The following HDAC8 variants were observed in gnomAD, a reference collection of about 807,000 sequenced individuals.
HDAC8 encodes histone deacetylase-like 1.
HDAC8 carries 1 observed loss-of-function variant against 32.2 expected under a neutral mutation model. The observed-to-expected ratio is 0.03, with a 90% CI of 0.01 to 0.15. HDAC8 has a LOEUF of 0.15. HDAC8 is among the 10% of genes least tolerant of loss of function. The pLI is 1.00. For missense variants in HDAC8, 117 were observed against 300.0 expected (o/e 0.39, Z 4.51); for synonymous variants, 108 against 113.9 (o/e 0.95, Z 0.33).
chrX:72,395,540 T>C (rs2045737661), intron 9 of HDAC8, among the ~76,000 whole-genome samples: 1 of 112,437 alleles, frequency 8.9e-6, no homozygotes, highest in South Asian at 3.7e-4. Context: ...TCTTCTTAGC[T>C]ACTGTGGCTG....
chrX:72,356,173 C>T (rs1034524646), intron 9 of HDAC8, among the ~76,000 whole-genome samples: 6 of 111,626 alleles, frequency 5.4e-5, no homozygotes, highest in Non-Finnish European at 9.4e-5. Context: ...ATGTGTGGAG[C>T]GGAGATTTGA....
intron 1 of HDAC8, chrX:72,572,350 C>A (rs2052122651): frequency 4.8e-6 from 2 of 417,408 alleles, no homozygotes; most frequent in Non-Finnish European, 8.1e-6. Flanking sequence ...CTTCCCCCTG[C>A]AGCTTGTTTT....
chrX:72,375,278 T>C (rs2045026664), intron 9 of HDAC8, among the ~76,000 whole-genome samples: 1 of 112,337 alleles, frequency 8.9e-6, no homozygotes. Context: ...AATAAATATC[T>C]AGATGAATAA....
At chrX:72,448,357 G>T (rs1220779115) in intron 9 of HDAC8, among the ~76,000 whole-genome samples, 1 of 111,967 alleles carries the variant, frequency 8.9e-6, no homozygotes, top group African/African-American at 3.2e-5. Flanking sequence ...TTAATAAATG[G>T]TGTTGGGAAA....
intron 9 of HDAC8, among the ~76,000 whole-genome samples, chrX:72,437,557 A>G (rs1477770981): frequency 9.0e-6 from 1 of 111,702 alleles, no homozygotes; most frequent in Non-Finnish European, 1.9e-5. Context: ...AGTGGATCCC[A>G]TCCCCACAGA....
chrX:72,527,685 T>C (rs782492465), intron 4 of HDAC8, among the ~76,000 whole-genome samples: 4 of 110,878 alleles, frequency 3.6e-5, no homozygotes, highest in African/African-American at 6.6e-5. Flanking sequence ...ATCTCTAGCA[T>C]CTAGCAGAGT....
At position 72,513,189 on chromosome X, in the gene HDAC8, C is replaced by T. The variant is rs932436416; in HGVS notation, c.438-17921G>A. ...AACCTCTACCATAGTACTTCTCAAA[C>T]TAGTTTGCAATGATTACTTCTTGTA... On this transcript the variant is annotated intron_variant, in intron 4 of 10. Transcript: ENST00000373573. 3.6e-5 allele frequency among the ~76,000 whole-genome samples: 4 copies of T among 112,139 alleles called. No individual in the cohort carries two copies. In the Admixed American group the frequency reaches 3.8e-4, roughly 11 times the overall value.
chrX:72,529,693 A>G (rs1390409348), intron 4 of HDAC8, among the ~76,000 whole-genome samples: 1 of 112,411 alleles, frequency 8.9e-6, no homozygotes, highest in African/African-American at 3.2e-5. Context: ...ACATTTGTGA[A>G]TAAGTAGATT....
At chrX:72,408,410 C>A (rs1470995265) in intron 9 of HDAC8, among the ~76,000 whole-genome samples, 1 of 110,533 alleles carries the variant, frequency 9.0e-6, no homozygotes. Flanking sequence ...TTCTTTCTTT[C>A]TTTATTTTTT....
chrX:72,479,456 C>T (rs189135370), intron 7 of HDAC8, among the ~76,000 whole-genome samples: 253 of 112,030 alleles, frequency 2.3e-3, no homozygotes, highest in Non-Finnish European at 3.6e-3. Flanking sequence ...GCAAGGTCTT[C>T]CTGTCTCTGG....
At chrX:72,464,381 G>A (rs2047953247) in intron 8 of HDAC8, 178 bp downstream of exon 8, 3 of 465,514 alleles carry the variant, frequency 6.4e-6, no homozygotes, top group African/African-American at 4.8e-5. Context: ...TGAGAAGTGT[G>A]TCAGAGTATT....
In HDAC8 at chrX:72,548,680, T is replaced by TTCTCTC. The variant is rs376266129; in HGVS notation, c.437+19203_437+19208dup. Among the ~76,000 whole-genome samples, 43 of 105,988 alleles carry TTCTCTC rather than the reference T, an allele frequency of 4.1e-4. 1 individual carries two copies. The highest frequency in any genetic ancestry group is 1.6e-3 in the Admixed American group (16 of 9,857). The allele number at this position is 105,988 out of a possible 115,157, so 92.0% of individuals were successfully genotyped here. ...TAGCACTGTTTCTCAACCATTTCTC[T>TTCTCTC]TCTCTCTCTCTCTCTCTCTCTCTGA... On this transcript the variant is annotated intron_variant, in intron 4 of 10. Coordinates refer to ENST00000373573, the MANE Select transcript of HDAC8 (RefSeq NM_018486.3).
At chrX:72,526,946 C>T (rs1179105287) in intron 4 of HDAC8, among the ~76,000 whole-genome samples, 1 of 111,395 alleles carries the variant, frequency 9.0e-6, no homozygotes, top group Admixed American at 9.5e-5. Flanking sequence ...CCTCTAGTCT[C>T]ACCCCCTGGA....
intron 9 of HDAC8, among the ~76,000 whole-genome samples, chrX:72,384,035 A>G (rs2045350516): frequency 9.0e-6 from 1 of 111,295 alleles, no homozygotes; most frequent in Admixed American, 9.6e-5. Context: ...GAAATATAAT[A>G]ACATTTGATT....
chrX:72,332,333 T>C (rs902470887), intron 10 of HDAC8, among the ~76,000 whole-genome samples: 2 of 112,497 alleles, frequency 1.8e-5, no homozygotes, highest in Non-Finnish European at 3.8e-5. Context: ...TAGTAGCATG[T>C]TTAGCTTTAT....
intron 9 of HDAC8, among the ~76,000 whole-genome samples, chrX:72,374,135 G>T (rs2044974488): frequency 9.0e-6 from 1 of 111,480 alleles, no homozygotes; most frequent in African/African-American, 3.3e-5. Flanking sequence ...GCCTCAAACT[G>T]CTGGGCTCAA....
At chrX:72,411,537 C>CA (rs781959711) in intron 9 of HDAC8, among the ~76,000 whole-genome samples, 3 of 111,770 alleles carry the variant, frequency 2.7e-5, no homozygotes, top group Non-Finnish European at 3.8e-5. Context: ...AATTAGATTA[C>CA]AAATTCTAAA....
At chrX:72,348,723 C>CT (rs1234446710) in intron 10 of HDAC8, among the ~76,000 whole-genome samples, 1 of 111,922 alleles carries the variant, frequency 8.9e-6, no homozygotes, top group African/African-American at 3.3e-5. Flanking sequence ...CTGGCTCCTC[C>CT]TCACCCACTC....
Position 72,350,412 on chromosome X carries a change from C to G in HDAC8, c.1111+1321G>C, listed in dbSNP as rs1234099997. On this transcript the variant is annotated intron_variant, in intron 10 of 10. Transcript: ENST00000373573. ...TGGATAGGGGCATTAATGTAACTCA[C>G]AGCAAAGACTCTCCGAGTGTAGTGT... is the stretch of plus-strand genomic sequence containing the variant. Among the ~76,000 whole-genome samples the G allele has an allele frequency of 2.7e-5, 3 of 111,784 alleles. No homozygotes were observed. The East Asian group carries it at 8.5e-4, about 32-fold the overall frequency.
Sources: allele counts gnomAD v4.1 joint callset (sites outside exome capture counted in the v4.1 genomes callset), GRCh38; gene constraint gnomAD v4.1.1; transcripts MANE v1.5; gene names NCBI Gene and HGNC (gene_info 2026-07-23, HGNC 2026-07-21).